The following HS6ST3 variants were observed in gnomAD, a reference collection of about 807,000 sequenced individuals.
HS6ST3 encodes heparan-sulfate 6-O-sulfotransferase 3.
In HS6ST3, 12 loss-of-function variants were observed where a neutral mutation model predicts 36.7. That is an observed-to-expected ratio of 0.33 (90% CI 0.21 to 0.53). HS6ST3 has a LOEUF of 0.53. HS6ST3 is among the 20% of genes least tolerant of loss of function. The pLI, the probability that HS6ST3 is intolerant of heterozygous loss-of-function variation, is 0.95. For synonymous variants in HS6ST3, 240 were observed against 257.5 expected (o/e 0.93, Z 0.65); for missense variants, 584 against 640.9 (o/e 0.91, Z 0.96).
At chr13:96,694,812 T>A (rs901022386) in intron 1 of HS6ST3, among the ~76,000 whole-genome samples, 4 of 152,214 alleles carry the variant, frequency 2.6e-5, no homozygotes, top group African/African-American at 7.2e-5. Flanking sequence ...TTTTTTCATA[T>A]GCTTTTTGGC....
At chr13:96,807,475 C>A (rs1275961964) in intron 1 of HS6ST3, among the ~76,000 whole-genome samples, 2 of 152,080 alleles carry the variant, frequency 1.3e-5, no homozygotes, top group African/African-American at 4.8e-5. Flanking sequence ...GACAAGCACA[C>A]AGGGAGAATG....
At chr13:96,529,433 AGAAC>A (rs1388745216) in intron 1 of HS6ST3, among the ~76,000 whole-genome samples, 25 of 152,176 alleles carry the variant, frequency 1.6e-4, no homozygotes, top group Admixed American at 1.6e-3. Flanking sequence ...TTTACAAGGT[AGAAC>A]CTGAAATTTA....
chr13:96,098,749 G>A (rs182743096), intron 1 of HS6ST3, among the ~76,000 whole-genome samples: 70 of 152,320 alleles, frequency 4.6e-4, no homozygotes, highest in South Asian at 2.1e-4. Context: ...GTGGCCCTGG[G>A]TTAAGTCAAT....
intron 1 of HS6ST3, among the ~76,000 whole-genome samples, chr13:96,113,572 A>C (rs1242451401): frequency 4.6e-5 from 7 of 152,364 alleles, no homozygotes; most frequent in African/African-American, 1.7e-4. Context: ...TAAGAAAATA[A>C]CATAGCTTAC....
chr13:96,131,499 C>T (rs1027749432), intron 1 of HS6ST3, among the ~76,000 whole-genome samples: 4 of 152,060 alleles, frequency 2.6e-5, no homozygotes, highest in African/African-American at 9.7e-5. Flanking sequence ...TGTGGAATGA[C>T]TAAATAAATC....
At chr13:96,430,530 C>G (rs1213099441) in intron 1 of HS6ST3, among the ~76,000 whole-genome samples, 1 of 152,166 alleles carries the variant, frequency 6.6e-6, no homozygotes, top group Non-Finnish European at 1.5e-5. Context: ...TGCCATGAAC[C>G]AAGCCTCTAT....
intron 1 of HS6ST3, among the ~76,000 whole-genome samples, chr13:96,730,793 G>A (rs1386458173): frequency 6.6e-6 from 1 of 152,074 alleles, no homozygotes; most frequent in Non-Finnish European, 1.5e-5. Context: ...GAGTGAAGGG[G>A]CACTATCATG....
intron 1 of HS6ST3, among the ~76,000 whole-genome samples, chr13:96,797,067 T>G (rs1924573): frequency 0.37 from 56,161 of 151,884 alleles, 11,935 homozygotes; most frequent in African/African-American, 0.6. Flanking sequence ...GAGAGGGTTG[T>G]CCCTCCAAGG....
chr13:96,688,347 A>G (rs981824937), intron 1 of HS6ST3, among the ~76,000 whole-genome samples: 15 of 151,954 alleles, frequency 9.9e-5, no homozygotes, highest in East Asian at 3.9e-4. Context: ...CTGTGCTTCT[A>G]TGAATTTGTT....
intron 1 of HS6ST3, among the ~76,000 whole-genome samples, chr13:96,141,029 A>G (rs960721161): frequency 2.0e-5 from 3 of 152,220 alleles, no homozygotes; most frequent in Admixed American, 6.5e-5. Context: ...TATCTACCAG[A>G]ACAGGTTTTT....
intron 1 of HS6ST3, among the ~76,000 whole-genome samples, chr13:96,353,147 A>G (rs1431796013): frequency 7.2e-6 from 1 of 138,436 alleles, no homozygotes; most frequent in African/African-American, 2.8e-5. Context: ...TCTGTCTCCC[A>G]GGTTCACGTG....
intron 1 of HS6ST3, among the ~76,000 whole-genome samples, chr13:96,512,550 T>G (rs1250042542): frequency 2.6e-5 from 4 of 152,144 alleles, no homozygotes; most frequent in Non-Finnish European, 5.9e-5. Context: ...TTGTGGGTGT[T>G]TTTTTTGTTG....
intron 1 of HS6ST3, among the ~76,000 whole-genome samples, chr13:96,551,147 A>C (rs1403078335): frequency 6.6e-6 from 1 of 152,202 alleles, no homozygotes; most frequent in Non-Finnish European, 1.5e-5. Context: ...CCAAATTCAA[A>C]TTCAAGACAA....
At chr13:96,173,111 CAG>C (rs2054195942) in intron 1 of HS6ST3, among the ~76,000 whole-genome samples, 1 of 152,016 alleles carries the variant, frequency 6.6e-6, no homozygotes, top group Non-Finnish European at 1.5e-5. Flanking sequence ...AATAGATATA[CAG>C]AGTCATTGCT....
At chr13:96,346,225 TGTTAA>T (rs373055180) in intron 1 of HS6ST3, among the ~76,000 whole-genome samples, 17 of 152,308 alleles carry the variant, frequency 1.1e-4, no homozygotes, top group South Asian at 4.1e-4. Flanking sequence ...TACTTATCTA[TGTTAA>T]GTTATCTATT....
rs561405032 is a variant in HS6ST3, at chr13:96,821,998, G to T, written c.708-10492G>T. Among the ~76,000 whole-genome samples the T allele has an allele frequency of 2.6e-5, 4 of 152,306 alleles. No individual in the cohort carries two copies. In the South Asian group the frequency reaches 8.3e-4, roughly 32 times the overall value. ...TCCTGTCCAAATTGGCTGGCACTGA[G>T]CAATTACAACGGAGACACCTCATGG... On this transcript the variant is annotated intron_variant, in intron 1 of 1. Transcript: ENST00000376705.
intron 1 of HS6ST3, among the ~76,000 whole-genome samples, chr13:96,492,996 A>G (rs1053033215): frequency 1.3e-5 from 2 of 152,196 alleles, no homozygotes; most frequent in Admixed American, 6.5e-5. Flanking sequence ...CACTCTGCCA[A>G]TGTTGACTTT....
chr13:96,469,811 G>C (rs1451413884), intron 1 of HS6ST3, among the ~76,000 whole-genome samples: 4 of 152,132 alleles, frequency 2.6e-5, no homozygotes, highest in African/African-American at 9.7e-5. Context: ...GGTTATGGCA[G>C]TGACTTAAAA....
chr13:96,534,367 C>T (rs2138937001), intron 1 of HS6ST3, among the ~76,000 whole-genome samples: 1 of 152,110 alleles, frequency 6.6e-6, no homozygotes, highest in South Asian at 2.1e-4. Context: ...TTATGTATAC[C>T]CACTTCTTTG....
Sources: allele counts gnomAD v4.1 joint callset (sites outside exome capture counted in the v4.1 genomes callset), GRCh38; gene constraint gnomAD v4.1.1; transcripts MANE v1.5; gene names NCBI Gene and HGNC (gene_info 2026-07-23, HGNC 2026-07-21).